Variants in GPC5 observed in about 807,000 individuals in gnomAD.
GPC5 encodes the protein glypican 5.
GPC5 carries 47 observed loss-of-function variants against 53.9 expected under a neutral mutation model. The ratio of observed to expected loss-of-function variants is 0.87; its 90% CI spans 0.69 to 1.11. GPC5 has a LOEUF of 1.11. Ranked by LOEUF, GPC5 falls within the 50% of genes most tolerant of loss-of-function variation. The pLI is 0.00. For missense variants in GPC5, 748 were observed against 713.1 expected (o/e 1.05, Z -0.56); for synonymous variants, 286 against 263.3 (o/e 1.09, Z -0.84).
At chr13:92,732,449 AC>A (rs1888833538) in intron 7 of GPC5, among the ~76,000 whole-genome samples, 2 of 151,570 alleles carry the variant, frequency 1.3e-5, no homozygotes, top group African/African-American at 4.8e-5. Context: ...AGGGTTAGCC[AC>A]TAAATTGTAT....
chr13:91,918,173 G>A (rs952361116), intron 6 of GPC5, among the ~76,000 whole-genome samples: 5 of 152,140 alleles, frequency 3.3e-5, no homozygotes, highest in African/African-American at 1.2e-4. Flanking sequence ...GGAAATGTCA[G>A]ACACTTTTAA....
At chr13:91,636,089 A>G (rs1340386129) in intron 2 of GPC5, among the ~76,000 whole-genome samples, 1 of 151,974 alleles carries the variant, frequency 6.6e-6, no homozygotes, top group East Asian at 1.9e-4. Flanking sequence ...ATAGTTTCTT[A>G]GTATTTGGGA....
chr13:92,279,458 A>G (rs2042897981), intron 7 of GPC5, among the ~76,000 whole-genome samples: 1 of 151,992 alleles, frequency 6.6e-6, no homozygotes, highest in African/African-American at 2.4e-5. Context: ...CTTCTTTTCT[A>G]ATATGTCTGT....
chr13:91,740,893 A>G (rs2036919675), intron 4 of GPC5, among the ~76,000 whole-genome samples: 1 of 152,176 alleles, frequency 6.6e-6, no homozygotes, highest in Non-Finnish European at 1.5e-5. Context: ...TTAGCTGTAC[A>G]TTATTATTTC....
chr13:91,595,150 T>G (rs1370128732), intron 2 of GPC5, among the ~76,000 whole-genome samples: 1 of 151,848 alleles, frequency 6.6e-6, no homozygotes, highest in Non-Finnish European at 1.5e-5. Flanking sequence ...CCCGAGTAGC[T>G]GGGACTACAG....
At chr13:91,998,565 C>A (rs9560895) in intron 6 of GPC5, among the ~76,000 whole-genome samples, 61,515 of 152,012 alleles carry the variant, frequency 0.4, 14,462 homozygotes, top group East Asian at 0.75. Flanking sequence ...CCAGTTTTCA[C>A]CATAGAACCA....
chr13:92,543,156 T>C (rs917822802), intron 7 of GPC5, among the ~76,000 whole-genome samples: 1 of 152,108 alleles, frequency 6.6e-6, no homozygotes, highest in Non-Finnish European at 1.5e-5. Flanking sequence ...TCCTATAGAC[T>C]TCCTTCATTT....
intron 6 of GPC5, among the ~76,000 whole-genome samples, chr13:92,017,486 T>A (rs572131606): frequency 6.6e-6 from 1 of 152,280 alleles, no homozygotes; most frequent in East Asian, 1.9e-4. Flanking sequence ...GGTTATCATT[T>A]CTTCAGACTT....
intron 6 of GPC5, among the ~76,000 whole-genome samples, chr13:92,005,184 A>G (rs1272249538): frequency 2.0e-5 from 3 of 152,168 alleles, no homozygotes; most frequent in Admixed American, 2.0e-4. Flanking sequence ...AAAAAAGAAA[A>G]CTAAAGTCGG....
intron 3 of GPC5, among the ~76,000 whole-genome samples, chr13:91,711,767 C>A (rs866810361): frequency 2.6e-5 from 4 of 152,290 alleles, no homozygotes; most frequent in Middle Eastern, 3.4e-3. Flanking sequence ...CATTTCATTA[C>A]TTCCCAAAGT....
At chr13:91,960,493 C>A (rs1455415232) in intron 6 of GPC5, among the ~76,000 whole-genome samples, 1 of 150,494 alleles carries the variant, frequency 6.6e-6, no homozygotes. Flanking sequence ...TTAGCCAAAG[C>A]AATCTATAGA....
At chr13:92,646,414 A>C (rs1885770661) in intron 7 of GPC5, among the ~76,000 whole-genome samples, 1 of 152,090 alleles carries the variant, frequency 6.6e-6, no homozygotes, top group Non-Finnish European at 1.5e-5. Context: ...TATCTTTCTT[A>C]CTATAGCTTT....
chr13:92,331,070 T>C (rs886295685), intron 7 of GPC5, among the ~76,000 whole-genome samples: 1 of 152,174 alleles, frequency 6.6e-6, no homozygotes, highest in Non-Finnish European at 1.5e-5. Flanking sequence ...AAGGTCTAAA[T>C]AGATTTTTTT....
chr13:92,367,165 A>G (rs2043613426), intron 7 of GPC5, among the ~76,000 whole-genome samples: 1 of 152,192 alleles, frequency 6.6e-6, no homozygotes, highest in South Asian at 2.1e-4. Flanking sequence ...TAATAAAAAA[A>G]TCCTCGGGCA....
intron 3 of GPC5, among the ~76,000 whole-genome samples, chr13:91,712,218 AATT>A (rs1210075085): frequency 6.6e-6 from 1 of 152,038 alleles, no homozygotes; most frequent in Non-Finnish European, 1.5e-5. Flanking sequence ...ATGCACCGAG[AATT>A]ATTATATTCA....
intron 5 of GPC5, among the ~76,000 whole-genome samples, chr13:91,805,222 C>T (rs1339862947): frequency 6.6e-6 from 1 of 152,102 alleles, no homozygotes; most frequent in African/African-American, 2.4e-5. Flanking sequence ...CAAGTTCCAC[C>T]CTCTACCCCT....
At chr13:91,823,867 A>G (rs963702677) in intron 5 of GPC5, among the ~76,000 whole-genome samples, 1 of 152,096 alleles carries the variant, frequency 6.6e-6, no homozygotes, top group Non-Finnish European at 1.5e-5. Flanking sequence ...ACTAATGTTT[A>G]TAATCTTATG....
intron 7 of GPC5, among the ~76,000 whole-genome samples, chr13:92,700,326 A>G (rs955871408): frequency 1.0e-4 from 13 of 126,080 alleles, no homozygotes; most frequent in African/African-American, 4.0e-4. Context: ...TTTTGAGCCT[A>G]TGTGTGTCTT....
At chr13:91,928,676 G>T (rs2039792642) in intron 6 of GPC5, among the ~76,000 whole-genome samples, 1 of 152,082 alleles carries the variant, frequency 6.6e-6, no homozygotes, top group South Asian at 2.1e-4. Context: ...AGGCACGTAG[G>T]GGACTCCAGA....
Sources: gnomAD v4.1 joint callset for allele counts (sites outside exome capture counted in the v4.1 genomes callset) on GRCh38, gnomAD v4.1.1 for gene constraint, MANE v1.5 for transcripts, NCBI Gene and HGNC (gene_info 2026-07-23, HGNC 2026-07-21) for gene names.